UVRAG: variants seen among roughly 807,000 people sequenced by gnomAD.
UVRAG encodes the protein UV radiation resistance-associated gene protein.
Under a neutral mutation model 78.0 loss-of-function variants are expected in UVRAG, and 19 were observed. The ratio of observed to expected loss-of-function variants is 0.24; its 90% CI spans 0.17 to 0.36. The LOEUF (loss-of-function observed/expected upper bound fraction) is 0.36. Among genes scored for constraint, UVRAG ranks in the 10% least tolerant of loss-of-function variants. UVRAG has a pLI of 1.00. For synonymous variants in UVRAG, 323 were observed against 324.6 expected, an observed-to-expected ratio of 1.00 and a Z score of 0.05; for missense variants, 740 against 853.8, an observed-to-expected ratio of 0.87 and a Z score of 1.66.
At chr11:75,924,225 A>G (rs1398891302) in intron 6 of UVRAG, among the ~76,000 whole-genome samples, 1 of 152,166 alleles carries the variant, frequency 6.6e-6, no homozygotes, top group African/African-American at 2.4e-5. Flanking sequence ...GAATTTTTTA[A>G]ATGGTAGATT....
intron 13 of UVRAG, among the ~76,000 whole-genome samples, chr11:76,096,138 C>G (rs1266434696): frequency 4.6e-5 from 7 of 152,140 alleles, no homozygotes; most frequent in African/African-American, 1.4e-4. Flanking sequence ...CTTGTAGACA[C>G]TCATAGTCTC....
At chr11:75,838,643 G>A (rs1353092175) in intron 1 of UVRAG, among the ~76,000 whole-genome samples, 1 of 152,090 alleles carries the variant, frequency 6.6e-6, no homozygotes, top group African/African-American at 2.4e-5. Flanking sequence ...ATGGGCCACC[G>A]TACCCAGCCT....
intron 7 of UVRAG, among the ~76,000 whole-genome samples, chr11:75,964,771 A>G (rs114579444): frequency 0.018 from 2,760 of 152,246 alleles, 75 homozygotes; most frequent in African/African-American, 0.062. Flanking sequence ...GTGTGGTTCT[A>G]TAGTTCATTG....
intron 13 of UVRAG, among the ~76,000 whole-genome samples, chr11:76,083,529 C>G (rs1951535873): frequency 6.6e-6 from 1 of 152,086 alleles, no homozygotes; most frequent in Non-Finnish European, 1.5e-5. Flanking sequence ...AGGTCAAGCC[C>G]CTGCACTGAG....
chr11:76,083,860 G>T (rs559603559), intron 13 of UVRAG, among the ~76,000 whole-genome samples: 4 of 152,180 alleles, frequency 2.6e-5, no homozygotes, highest in Non-Finnish European at 5.9e-5. Flanking sequence ...ATCACTTCAT[G>T]TTATTCAGGA....
intron 5 of UVRAG, among the ~76,000 whole-genome samples, chr11:75,907,211 A>G (rs909710417): frequency 1.3e-5 from 2 of 152,158 alleles, no homozygotes; most frequent in East Asian, 3.8e-4. Flanking sequence ...TTTCTTGCCT[A>G]ATTGTTCTGG....
At chr11:75,887,479 GCT>G (rs1947107156) in intron 4 of UVRAG, among the ~76,000 whole-genome samples, 1 of 132,844 alleles carries the variant, frequency 7.5e-6, no homozygotes, top group Admixed American at 8.2e-5. Context: ...ACGGAGTCTC[GCT>G]CTGTCTCCCA....
At chr11:75,840,617 C>T (rs1434702682) in intron 1 of UVRAG, among the ~76,000 whole-genome samples, 1 of 152,124 alleles carries the variant, frequency 6.6e-6, no homozygotes, top group Non-Finnish European at 1.5e-5. Context: ...GGTGGGAGAG[C>T]AGAGTTAATT....
chr11:75,849,493 C>CAA (rs59733905), intron 1 of UVRAG, among the ~76,000 whole-genome samples: 3 of 112,206 alleles, frequency 2.7e-5, no homozygotes, highest in East Asian at 2.5e-4. Flanking sequence ...GACTCCATCT[C>CAA]AAAAAAAAAA....
chr11:76,014,335 C>T (rs1021918045), intron 11 of UVRAG, among the ~76,000 whole-genome samples: 1 of 152,174 alleles, frequency 6.6e-6, no homozygotes, highest in Non-Finnish European at 1.5e-5. Flanking sequence ...ATTTAAGAGG[C>T]CTGCTCCTTT....
intron 5 of UVRAG, among the ~76,000 whole-genome samples, chr11:75,899,493 G>A (rs1413330013): frequency 6.6e-6 from 1 of 152,058 alleles, no homozygotes; most frequent in African/African-American, 2.4e-5. Flanking sequence ...TATGAGTGAA[G>A]TACCTTAGAA....
At chr11:75,947,446 G>T (rs1488619166) in intron 6 of UVRAG, among the ~76,000 whole-genome samples, 4 of 152,126 alleles carry the variant, frequency 2.6e-5, no homozygotes, top group Admixed American at 2.6e-4. Flanking sequence ...TGCAGCAGCA[G>T]ATTTAGTTGA....
chr11:76,007,728 C>A, intron 10 of UVRAG, 107 bp downstream of exon 10: 1 of 831,234 alleles, frequency 1.2e-6, no homozygotes, highest in South Asian at 1.6e-5. Context: ...ATCATATGCT[C>A]TGTCATGATT....
intron 14 of UVRAG, among the ~76,000 whole-genome samples, chr11:76,135,790 C>T (rs964928609): frequency 4.6e-5 from 7 of 152,108 alleles, no homozygotes; most frequent in East Asian, 1.9e-4. Flanking sequence ...GCTCTGCACC[C>T]GCAATTCTAG....
intron 13 of UVRAG, among the ~76,000 whole-genome samples, chr11:76,106,801 G>T (rs146530863): frequency 3.2e-3 from 494 of 152,212 alleles, no homozygotes; most frequent in Middle Eastern, 0.02. Context: ...CAACATGAGG[G>T]CAAGGAGCAG....
intron 4 of UVRAG, among the ~76,000 whole-genome samples, chr11:75,880,623 C>T (rs1022310204): frequency 3.3e-5 from 5 of 152,080 alleles, no homozygotes; most frequent in East Asian, 1.9e-4. Context: ...CGCGCAATCT[C>T]GGCTCACCAC....
At chr11:75,921,000 C>T (rs939536932) in intron 6 of UVRAG, among the ~76,000 whole-genome samples, 6 of 152,020 alleles carry the variant, frequency 3.9e-5, no homozygotes, top group Non-Finnish European at 5.9e-5. Flanking sequence ...GTTTTTAATG[C>T]GTGTTTGTTT....
chr11:76,027,685 G>A lies in UVRAG; in HGVS notation c.1226+10705G>A, dbSNP rs78195962. On this transcript the variant is annotated intron_variant, in intron 12 of 14. Transcript: ENST00000356136. ...TGCTTAACAAAATTTTGCAACTACT[G>A]TTATGTATACGTTGAGCTTTGCAAT... Among the ~76,000 whole-genome samples, 1,409 of 152,158 alleles carry A rather than the reference G, an allele frequency of 9.3e-3. 22 individuals carry two copies. The highest frequency in any genetic ancestry group is 0.032 in the African/African-American group (1,339 of 41,506).
At chr11:76,014,750 T>G (rs1001333990) in intron 11 of UVRAG, among the ~76,000 whole-genome samples, 1 of 152,242 alleles carries the variant, frequency 6.6e-6, no homozygotes, top group African/African-American at 2.4e-5. Flanking sequence ...CTTCTCCAAG[T>G]TGGTAGCATC....
Sources: allele counts gnomAD v4.1 joint callset (sites outside exome capture counted in the v4.1 genomes callset), GRCh38; gene constraint gnomAD v4.1.1; transcripts MANE v1.5; gene names NCBI Gene and HGNC (gene_info 2026-07-23, HGNC 2026-07-21).